Variants in ERICH1 observed in about 807,000 individuals in gnomAD.
ERICH1 encodes the protein glutamate rich 1.
Under a neutral mutation model 39.6 loss-of-function variants are expected in ERICH1, and 56 were observed. The observed-to-expected ratio is 1.41, with a 90% CI of 1.14 to 1.77. The LOEUF (loss-of-function observed/expected upper bound fraction) is 1.77. Among genes scored for constraint, ERICH1 ranks in the 40% most tolerant of loss-of-function variants. ERICH1 has a pLI of 0.00. For synonymous variants in ERICH1, 313 were observed against 223.6 expected, an observed-to-expected ratio of 1.40 and a Z score of -3.57; for missense variants, 826 against 575.4, an observed-to-expected ratio of 1.44 and a Z score of -4.45.
At chr8:630,835 C>T (rs1313966126) in intron 3 of ERICH1, among the ~76,000 whole-genome samples, 3 of 150,620 alleles carry the variant, frequency 2.0e-5, no homozygotes, top group Non-Finnish European at 4.4e-5. Context: ...GACACACACC[C>T]TCCCGTGACC....
intron 1 of ERICH1, among the ~76,000 whole-genome samples, chr8:726,880 CAT>C (rs1254725331): frequency 5.1e-5 from 6 of 118,296 alleles, no homozygotes; most frequent in African/African-American, 1.0e-4. Context: ...CATGCACACA[CAT>C]GTACACACAC....
intron 3 of ERICH1, among the ~76,000 whole-genome samples, chr8:632,664 C>A (rs1798117143): frequency 6.6e-6 from 1 of 152,182 alleles, no homozygotes; most frequent in African/African-American, 2.4e-5. Flanking sequence ...AAACAGGAAG[C>A]AGGAGTGGCC....
intron 3 of ERICH1, among the ~76,000 whole-genome samples, chr8:652,288 G>C (rs900510917): frequency 6.6e-6 from 1 of 152,256 alleles, no homozygotes; most frequent in African/African-American, 2.4e-5. Context: ...TGTTCTACAA[G>C]AGCAAGACTG....
chr8:702,002 G>A (rs148352601), intron 2 of ERICH1, among the ~76,000 whole-genome samples: 4,524 of 149,242 alleles, frequency 0.03, 126 homozygotes, highest in Non-Finnish European at 0.043. Context: ...GCTTGAACCT[G>A]GGAGGCGGAG....
In ERICH1 at chr8:634,336, G is replaced by A. The variant is rs886461566; in HGVS notation, c.977-19052C>T. Among the ~76,000 whole-genome samples, 8 of 152,292 alleles carry A rather than the reference G, an allele frequency of 5.3e-5. No individual in the cohort carries two copies. The East Asian group carries it at 7.7e-4, about 15-fold the overall frequency. On this transcript the variant is annotated intron_variant, in intron 3 of 3. Transcript: ENST00000522706. ...TATAGAAACAAAACACAAAGGCAACGAGCGAGCGTCGTGGAGCGCTTGGAA... is the reference window on the plus strand; with the variant it reads ...TATAGAAACAAAACACAAAGGCAACAAGCGAGCGTCGTGGAGCGCTTGGAA...
chr8:708,636 C>G (rs73178845), intron 2 of ERICH1, among the ~76,000 whole-genome samples: 2,841 of 141,208 alleles, frequency 0.02, 44 homozygotes, highest in Non-Finnish European at 0.029. Flanking sequence ...TTTCCAGAGG[C>G]TAGAGGGAGT....
intron 3 of ERICH1, among the ~76,000 whole-genome samples, chr8:623,912 A>G (rs1283404048): frequency 6.6e-6 from 1 of 152,248 alleles, no homozygotes; most frequent in Non-Finnish European, 1.5e-5. Context: ...TGGCTACATT[A>G]AAATTAAAAC....
intron 2 of ERICH1, among the ~76,000 whole-genome samples, chr8:713,922 C>A (rs1424485038): frequency 6.6e-6 from 1 of 152,126 alleles, no homozygotes; most frequent in African/African-American, 2.4e-5. Context: ...TACTGGGGAA[C>A]CGAATGGACC....
intron 3 of ERICH1, 37 bp downstream of exon 3, chr8:692,441 C>T (rs1025715714): frequency 1.2e-6 from 2 of 1,613,298 alleles, no homozygotes; most frequent in Middle Eastern, 1.7e-4. Context: ...AGCTTATCTG[C>T]AAAGATGTCT....
chr8:668,998 C>T (rs1281456036), intron 4 of ERICH1: 9 of 584,168 alleles, frequency 1.5e-5, no homozygotes, highest in Non-Finnish European at 2.4e-5. Flanking sequence ...AAACCTGGCC[C>T]GTCTACACCT....
chr8:709,595 G>T (rs1486195554), intron 2 of ERICH1, among the ~76,000 whole-genome samples: 1 of 152,196 alleles, frequency 6.6e-6, no homozygotes, highest in East Asian at 1.9e-4. Context: ...TCATATTAAA[G>T]AGTATCTTAC....
chr8:621,942 T>C (rs932009007), intron 3 of ERICH1, among the ~76,000 whole-genome samples: 4 of 152,206 alleles, frequency 2.6e-5, no homozygotes, highest in Admixed American at 2.6e-4. Flanking sequence ...TGGCTGAGTG[T>C]GGTGGCTCAT....
In ERICH1 at chr8:673,825, G is replaced by A. The variant is rs777771543; in HGVS notation, c.527C>T (p.Ala176Val). Residue 176 changes from alanine (A) to valine (V), a missense_variant, in exon 4 of 6, where the codon GCA becomes GTA. Physicochemically the swap from Ala to Val is moderately conservative, Grantham distance 64. Transcript: ENST00000262109. ...AGCAGCCTTTGCTGCCAAGCCGGCT[G>A]CTTTCTTCCTTTTAATTTGCTGTTT... Reference protein sequence around the residue: ...KKKQQIKRKKAAGLAAKAAGV... With the variant: ...KKKQQIKRKKVAGLAAKAAGV... 2 of 1,614,102 alleles carry A rather than the reference G, an allele frequency of 1.2e-6. No homozygotes were observed. The highest frequency in any genetic ancestry group is 4.5e-5 in the East Asian group (2 of 44,886).
intron 3 of ERICH1, among the ~76,000 whole-genome samples, chr8:628,923 C>A (rs1797753016): frequency 6.6e-6 from 1 of 152,156 alleles, no homozygotes; most frequent in Admixed American, 6.5e-5. Context: ...CAGGACCACC[C>A]CAGCTCAAGG....
intron 3 of ERICH1, among the ~76,000 whole-genome samples, chr8:658,171 G>A (rs906092730): frequency 2.0e-5 from 3 of 152,218 alleles, no homozygotes; most frequent in Admixed American, 2.0e-4. Flanking sequence ...CAGCTGGACT[G>A]TGGTTCCTGG....
chr8:663,522 GGGACAGGCGGGACAGGCA>G (rs1290660091), downstream of ERICH1, among the ~76,000 whole-genome samples: 1 of 149,916 alleles, frequency 6.7e-6, no homozygotes, highest in African/African-American at 2.5e-5. Flanking sequence ...GCTCACAGGC[GGGACAGGCGGGACAGGCA>G]GGACAGGCGG....
intron 4 of ERICH1, among the ~76,000 whole-genome samples, chr8:673,059 G>A (rs777885703): frequency 5.3e-5 from 8 of 152,242 alleles, no homozygotes; most frequent in African/African-American, 9.6e-5. Context: ...TACGCCAGGG[G>A]CGCATGCCCA....
At chr8:716,829 G>A (rs1816114734) in intron 1 of ERICH1, among the ~76,000 whole-genome samples, 1 of 152,046 alleles carries the variant, frequency 6.6e-6, no homozygotes, top group African/African-American at 2.4e-5. Flanking sequence ...CCCCCTGAGA[G>A]GAGACGCTGG....
At chr8:618,538 T>A (rs1298808884) in intron 3 of ERICH1, among the ~76,000 whole-genome samples, 1 of 152,088 alleles carries the variant, frequency 6.6e-6, no homozygotes, top group Admixed American at 6.5e-5. Context: ...GCTAACTGAG[T>A]GAGTGACTGA....
Sources: allele counts gnomAD v4.1 joint callset (sites outside exome capture counted in the v4.1 genomes callset), GRCh38; gene constraint gnomAD v4.1.1; transcripts MANE v1.5; gene names NCBI Gene and HGNC (gene_info 2026-07-23, HGNC 2026-07-21).